COL22A1: variants seen among roughly 807,000 people sequenced by gnomAD.
COL22A1 encodes the protein collagen alpha-1(XXII) chain.
Under a neutral mutation model 248.9 loss-of-function variants are expected in COL22A1, and 221 were observed. The observed-to-expected ratio is 0.89, with a 90% CI of 0.80 to 0.99. The LOEUF (loss-of-function observed/expected upper bound fraction) is 0.99, where lower values mean the gene tolerates loss of function less well. Among genes scored for constraint, COL22A1 ranks in the 50% least tolerant of loss-of-function variants. COL22A1 has a pLI of 0.00. For synonymous variants in COL22A1, 891 were observed against 793.4 expected (o/e 1.12, Z -2.07); for missense variants, 2,240 against 2,179.0 (o/e 1.03, Z -0.56).
chr8:138,755,500 C>T lies in COL22A1; in HGVS notation c.1959G>A (p.Glu653=). The T allele has an allele frequency of 1.2e-6, 2 of 1,614,136 alleles. No individual in the cohort carries two copies. Among genetic ancestry groups the T allele is most frequent in the Non-Finnish European group, 1.7e-6 (2 of 1,179,996 alleles). Residue 653 remains glutamate (E), a synonymous_variant, in exon 20 of 65, where the codon GAG becomes GAA. Transcript: ENST00000303045. Reference sequence around the variant, plus strand: ...CTCTTACCTGTTCCCCTTTCAAGCCCTCTTGCTGCACCTGAGAGACAAAGC... The same window carrying T: ...CTCTTACCTGTTCCCCTTTCAAGCCTTCTTGCTGCACCTGAGAGACAAAGC... The part of the protein sequence containing the change: ...PGVPGSVVQQ[E]GLKGEQGAPG...
At chr8:138,720,653 C>T (rs1829801817) in intron 27 of COL22A1, 86 bp downstream of exon 27, 2 of 1,101,110 alleles carry the variant, frequency 1.8e-6, no homozygotes, top group Non-Finnish European at 2.8e-6. Flanking sequence ...AGACGCTATG[C>T]TTATGGTAAG....
intron 52 of COL22A1, among the ~76,000 whole-genome samples, chr8:138,620,789 C>T (rs1819720142): frequency 6.6e-6 from 1 of 152,210 alleles, no homozygotes; most frequent in African/African-American, 2.4e-5. Context: ...CTAATCCAGG[C>T]ATTTTGGTTC....
intron 43 of COL22A1, among the ~76,000 whole-genome samples, chr8:138,660,882 AC>A (rs1823802925): frequency 1.6e-5 from 1 of 62,730 alleles, no homozygotes; most frequent in African/African-American, 3.6e-5. Context: ...ACAGACACAC[AC>A]ATACACAGAC....
chr8:138,632,350 T>A (rs1016142562), intron 49 of COL22A1, among the ~76,000 whole-genome samples: 1 of 152,146 alleles, frequency 6.6e-6, no homozygotes, highest in Non-Finnish European at 1.5e-5. Context: ...CTATTTTACA[T>A]GGGTTGTTGA....
chr8:138,874,915 T>C (rs1823596942), intron 3 of COL22A1, among the ~76,000 whole-genome samples: 1 of 152,222 alleles, frequency 6.6e-6, no homozygotes, highest in Non-Finnish European at 1.5e-5. Flanking sequence ...TCATGGACTC[T>C]AGTGACATAC....
chr8:138,730,571 C>T (rs965133090), intron 23 of COL22A1, among the ~76,000 whole-genome samples: 5 of 152,074 alleles, frequency 3.3e-5, no homozygotes, highest in South Asian at 2.1e-4. Flanking sequence ...GTGTGACTTA[C>T]GGCAAGGGTT....
chr8:138,695,129 C>T (rs563567023), intron 32 of COL22A1, among the ~76,000 whole-genome samples: 1 of 152,316 alleles, frequency 6.6e-6, no homozygotes, highest in South Asian at 2.1e-4. Flanking sequence ...GGGCCCAACC[C>T]TCCTGTTACA....
At chr8:138,645,814 C>T (rs9324491) in intron 47 of COL22A1, among the ~76,000 whole-genome samples, 13,452 of 152,204 alleles carry the variant, frequency 0.088, 777 homozygotes, top group African/African-American at 0.15. Context: ...AGCCAGGCCT[C>T]AGGAAGAGAC....
intron 35 of COL22A1, 121 bp from the exon 36 acceptor site, chr8:138,690,995 TGA>T: frequency 2.8e-6 from 2 of 718,044 alleles, no homozygotes; most frequent in Non-Finnish European, 4.4e-6. Context: ...GCTGCTGACC[TGA>T]CAGCCTCTGC....
chr8:138,663,912 C>T (rs1025228997), intron 41 of COL22A1, among the ~76,000 whole-genome samples, 172 bp from the exon 42 acceptor site: 27 of 152,008 alleles, frequency 1.8e-4, no homozygotes, highest in African/African-American at 4.8e-4. Context: ...CACCCACAAA[C>T]GTTGCTCATG....
At chr8:138,742,184 TTGA>T (rs1286218820) in intron 22 of COL22A1, among the ~76,000 whole-genome samples, 3 of 143,778 alleles carry the variant, frequency 2.1e-5, no homozygotes. Context: ...GATGGTAAAG[TTGA>T]TGATGGTAAT....
At chr8:138,818,031 C>T (rs1818815938) in intron 7 of COL22A1, among the ~76,000 whole-genome samples, 1 of 152,154 alleles carries the variant, frequency 6.6e-6, no homozygotes, top group Non-Finnish European at 1.5e-5. Context: ...TCTCCCACTA[C>T]CTCAAATAGA....
intron 30 of COL22A1, among the ~76,000 whole-genome samples, chr8:138,707,134 G>A (rs1385195079): frequency 2.0e-5 from 3 of 152,144 alleles, no homozygotes; most frequent in Non-Finnish European, 4.4e-5. Flanking sequence ...CTGAAATTGA[G>A]GCAATAATTA....
rs115311925 is a variant in COL22A1 at position 138,841,384 on chromosome 8, T to C, written c.733+2700A>G. ...TTGGAGTTCTCAGAATAGAATAAAA[T>C]GTTAAAAGAGCAACTAATTGCCCTG... On this transcript the variant is annotated intron_variant, in intron 4 of 64. Transcript: ENST00000303045. Among the ~76,000 whole-genome samples the C allele has an allele frequency of 3.4e-3, 523 of 152,182 alleles. 3 individuals carry two copies. Among genetic ancestry groups the C allele is most frequent in the Middle Eastern group, 0.014 (4 of 294 alleles).
chr8:138,651,133 T>C (rs1822696301), intron 45 of COL22A1, among the ~76,000 whole-genome samples: 1 of 152,204 alleles, frequency 6.6e-6, no homozygotes, highest in Non-Finnish European at 1.5e-5. Context: ...CTACTCAGTC[T>C]TTGGAGATTC....
intron 3 of COL22A1, among the ~76,000 whole-genome samples, chr8:138,874,950 C>T (rs1185951329): frequency 6.6e-6 from 1 of 152,170 alleles, no homozygotes; most frequent in Non-Finnish European, 1.5e-5. Context: ...GCTGGCTTCT[C>T]CCATCACTAG....
intron 50 of COL22A1, among the ~76,000 whole-genome samples, chr8:138,626,758 C>T (rs1049825356): frequency 9.2e-5 from 14 of 152,092 alleles, no homozygotes; most frequent in Non-Finnish European, 2.1e-4. Context: ...CATGTTTTAC[C>T]AATAATTGCT....
intron 1 of COL22A1, among the ~76,000 whole-genome samples, chr8:138,888,597 T>TGA (rs1346893693): frequency 6.6e-6 from 1 of 152,160 alleles, no homozygotes; most frequent in Admixed American, 6.5e-5. Flanking sequence ...AGGCCACTTG[T>TGA]GAGAGCACAG....
intron 30 of COL22A1, among the ~76,000 whole-genome samples, chr8:138,709,591 A>G (rs910248563): frequency 7.3e-6 from 1 of 137,618 alleles, no homozygotes; most frequent in Non-Finnish European, 1.5e-5. Context: ...GAACAATGAG[A>G]ACACTTGGAC....
Sources: gnomAD v4.1 joint callset for allele counts (sites outside exome capture counted in the v4.1 genomes callset) on GRCh38, gnomAD v4.1.1 for gene constraint, MANE v1.5 for transcripts, NCBI Gene and HGNC (gene_info 2026-07-23, HGNC 2026-07-21) for gene names.